FCHSD2: variants seen among roughly 807,000 people sequenced by gnomAD.
The protein encoded by FCHSD2 is FCH and double SH3 domains 2, also known as F-BAR and double SH3 domains protein 2.
A neutral mutation model predicts 108.1 loss-of-function variants in FCHSD2; 38 were observed. The ratio of observed to expected loss-of-function variants is 0.35; its 90% CI spans 0.27 to 0.46. The LOEUF (loss-of-function observed/expected upper bound fraction) is 0.46, where lower values mean the gene tolerates loss of function less well. Among genes scored for constraint, FCHSD2 ranks in the 20% least tolerant of loss-of-function variants. The pLI is 1.00. For synonymous variants in FCHSD2, 279 were observed against 314.7 expected (o/e 0.89, Z 1.20); for missense variants, 751 against 897.8 (o/e 0.84, Z 2.09).
chr11:73,122,920 A>G (rs1362880645), intron 2 of FCHSD2, among the ~76,000 whole-genome samples: 1 of 152,222 alleles, frequency 6.6e-6, no homozygotes, highest in African/African-American at 2.4e-5. Context: ...GAATGTTTTC[A>G]TACTCTACAA....
chr11:72,878,456 T>G (rs1855014645), intron 12 of FCHSD2, among the ~76,000 whole-genome samples: 1 of 152,210 alleles, frequency 6.6e-6, no homozygotes, highest in South Asian at 2.1e-4. Context: ...AGTGTCTAAA[T>G]ACCATTTTCT....
chr11:73,096,986 G>GGTTTTTTTTTTTTT, intron 2 of FCHSD2, among the ~76,000 whole-genome samples: 3 of 19,474 alleles, frequency 1.5e-4, no homozygotes, highest in Non-Finnish European at 2.5e-4. Flanking sequence ...TTCATTGATG[G>GGTTTTTTTTTTTTT]ATTTTTTTTT....
At chr11:73,031,471 C>T (rs546077162) in intron 3 of FCHSD2, among the ~76,000 whole-genome samples, 40 of 149,086 alleles carry the variant, frequency 2.7e-4, no homozygotes, top group South Asian at 1.3e-3. Context: ...ACCCTGTCTC[C>T]GAAAAAAAAA....
chr11:73,115,255 A>T (rs1365649890), intron 2 of FCHSD2, among the ~76,000 whole-genome samples: 1 of 152,186 alleles, frequency 6.6e-6, no homozygotes, highest in Non-Finnish European at 1.5e-5. Flanking sequence ...TCCCTCCCTG[A>T]CATGCAGAAT....
chr11:72,843,102 G>A (rs1312127902), intron 16 of FCHSD2, 49 bp downstream of exon 16: 6 of 1,574,618 alleles, frequency 3.8e-6, no homozygotes, highest in African/African-American at 2.7e-5. Context: ...GGGCAATACA[G>A]TTTAGGTCAA....
intron 3 of FCHSD2, among the ~76,000 whole-genome samples, chr11:73,026,787 G>A (rs1167462402): frequency 6.6e-6 from 1 of 152,150 alleles, no homozygotes; most frequent in Non-Finnish European, 1.5e-5. Flanking sequence ...TCCCCATGCT[G>A]TTCTCATGAC....
intron 8 of FCHSD2, among the ~76,000 whole-genome samples, chr11:72,929,654 G>C (rs989515209): frequency 1.3e-5 from 2 of 152,116 alleles, no homozygotes; most frequent in Admixed American, 6.6e-5. Context: ...GTCTCAACAT[G>C]GTTTGTGATT....
chr11:72,843,137 GTTTCAGTC>G lies in FCHSD2; in HGVS notation c.1705+6_1705+13del, dbSNP rs759357590. On this transcript the variant is annotated splice_donor_region_variant and intron_variant, in intron 16 of 19. Coordinates refer to ENST00000409418, the MANE Select transcript of FCHSD2 (RefSeq NM_014824.3). ...AACGTGACCAAATAAAGAGTGCCTT[GTTTCAGTC>G]TTTACCACTGGCATCTCCGTTGAGG... is the stretch of plus-strand genomic sequence containing the variant. 64 of 1,613,234 alleles carry G rather than the reference GTTTCAGTC, an allele frequency of 4.0e-5. No homozygotes were observed. In the East Asian group the frequency reaches 1.4e-3, roughly 34 times the overall value.
chr11:73,028,672 G>A (rs1858286213), intron 3 of FCHSD2, among the ~76,000 whole-genome samples: 1 of 152,146 alleles, frequency 6.6e-6, no homozygotes, highest in Non-Finnish European at 1.5e-5. Context: ...ATATGGTTTG[G>A]CTCTGTGTCC....
chr11:72,967,360 G>A (rs1272945879), intron 8 of FCHSD2, among the ~76,000 whole-genome samples: 2 of 152,030 alleles, frequency 1.3e-5, no homozygotes, highest in Non-Finnish European at 2.9e-5. Flanking sequence ...CAACCCAAAT[G>A]CCCATCAACT....
chr11:73,034,724 T>C (rs531890579), intron 3 of FCHSD2, among the ~76,000 whole-genome samples: 1 of 152,344 alleles, frequency 6.6e-6, no homozygotes, highest in African/African-American at 2.4e-5. Flanking sequence ...TTGCACAAAA[T>C]GACCTGCAAA....
intron 3 of FCHSD2, among the ~76,000 whole-genome samples, chr11:73,018,644 G>C (rs1858027665): frequency 6.6e-6 from 1 of 151,442 alleles, no homozygotes; most frequent in South Asian, 2.1e-4. Flanking sequence ...CTAATGTATA[G>C]TGCCCATCTC....
intron 2 of FCHSD2, among the ~76,000 whole-genome samples, chr11:73,130,753 T>C (rs1349410205): frequency 6.6e-6 from 1 of 152,210 alleles, no homozygotes; most frequent in East Asian, 1.9e-4. Flanking sequence ...AGCATCTCCT[T>C]TTTCTCCCCA....
rs184039673 is a variant in FCHSD2, at chr11:72,863,891, A to C, written c.1308+3974T>G. Among the ~76,000 whole-genome samples, 87 of 152,382 alleles carry C rather than the reference A, an allele frequency of 5.7e-4. 1 individual carries two copies. Among genetic ancestry groups the C allele is most frequent in the South Asian group, 1.4e-3 (7 of 4,832 alleles). On this transcript the variant is annotated intron_variant, in intron 13 of 19. Coordinates refer to ENST00000409418, the MANE Select transcript of FCHSD2 (RefSeq NM_014824.3). ...CTAGTACCCCGTTGATGTAATTGTA[A>C]AATGGTATAACCACTTTGGAAAACA...
chr11:73,012,816 T>C (rs1290426532), intron 4 of FCHSD2, among the ~76,000 whole-genome samples: 1 of 152,202 alleles, frequency 6.6e-6, no homozygotes, highest in African/African-American at 2.4e-5. Context: ...TATATGTAAT[T>C]TGTCTCAGAA....
intron 3 of FCHSD2, among the ~76,000 whole-genome samples, chr11:73,066,498 T>G (rs1303012780): frequency 6.6e-6 from 1 of 151,958 alleles, no homozygotes; most frequent in Non-Finnish European, 1.5e-5. Context: ...ACTAATGGGA[T>G]CTAATTAAAC....
chr11:72,868,074 A>G, intron 12 of FCHSD2, 48 bp from the exon 13 acceptor site: 2 of 1,521,226 alleles, frequency 1.3e-6, no homozygotes, highest in Non-Finnish European at 8.9e-7. Flanking sequence ...TATTATTCAC[A>G]ATAGCAAAGA....
intron 3 of FCHSD2, among the ~76,000 whole-genome samples, chr11:73,032,886 C>T (rs1408699016): frequency 6.6e-6 from 1 of 152,110 alleles, no homozygotes; most frequent in Non-Finnish European, 1.5e-5. Flanking sequence ...TATGTTTGGA[C>T]TACCTTAAGA....
intron 12 of FCHSD2, among the ~76,000 whole-genome samples, chr11:72,873,178 A>C (rs903569942): frequency 6.6e-5 from 10 of 151,800 alleles, no homozygotes; most frequent in African/African-American, 1.7e-4. Context: ...AAATACAAAA[A>C]ATTAGCCGGA....
Sources: allele counts gnomAD v4.1 joint callset (sites outside exome capture counted in the v4.1 genomes callset), GRCh38; gene constraint gnomAD v4.1.1; transcripts MANE v1.5; gene names NCBI Gene and HGNC (gene_info 2026-07-23, HGNC 2026-07-21).